The following PDE4B variants were observed in gnomAD, a reference collection of about 807,000 sequenced individuals.
PDE4B encodes 3',5'-cyclic-AMP phosphodiesterase 4B.
In PDE4B, 20 loss-of-function variants were observed where a neutral mutation model predicts 82.2. The ratio of observed to expected loss-of-function variants is 0.24; its 90% CI spans 0.17 to 0.35. The LOEUF (loss-of-function observed/expected upper bound fraction) is 0.35. Ranked by LOEUF, PDE4B falls within the 10% of genes least tolerant of loss-of-function variation. The pLI is 1.00. For synonymous variants in PDE4B, 320 were observed against 318.9 expected, an observed-to-expected ratio of 1.00 and a Z score of -0.04; for missense variants, 655 against 907.2, an observed-to-expected ratio of 0.72 and a Z score of 3.57.
At chr1:66,037,111 G>A (rs536703366) in intron 3 of PDE4B, among the ~76,000 whole-genome samples, 2 of 142,264 alleles carry the variant, frequency 1.4e-5, no homozygotes, top group African/African-American at 5.3e-5. Flanking sequence ...GGGTGACAGA[G>A]TGAGACTCTG....
chr1:66,183,385 A>G (rs1281160611), intron 3 of PDE4B, among the ~76,000 whole-genome samples: 1 of 152,222 alleles, frequency 6.6e-6, no homozygotes, highest in Non-Finnish European at 1.5e-5. Flanking sequence ...CTGAGCATTA[A>G]TGATAAAATA....
At chr1:66,193,847 T>C (rs2152810) in intron 3 of PDE4B, among the ~76,000 whole-genome samples, 75,944 of 151,874 alleles carry the variant, frequency 0.5, 19,780 homozygotes, top group South Asian at 0.64. Flanking sequence ...GAAATCATTA[T>C]AGTGATAGAG....
intron 1 of PDE4B, among the ~76,000 whole-genome samples, chr1:65,814,148 G>T (rs1265888612): frequency 6.6e-6 from 1 of 152,174 alleles, no homozygotes; most frequent in Non-Finnish European, 1.5e-5. Flanking sequence ...ACAGCACATT[G>T]CTTGCCAAAG....
chr1:66,147,557 G>C (rs1646301680), intron 3 of PDE4B, among the ~76,000 whole-genome samples: 3 of 152,202 alleles, frequency 2.0e-5, no homozygotes, highest in Admixed American at 6.5e-5. Flanking sequence ...TGCATTTTGA[G>C]TTGCTTTTTC....
chr1:65,928,374 C>A (rs1647637496), intron 3 of PDE4B, among the ~76,000 whole-genome samples: 1 of 152,170 alleles, frequency 6.6e-6, no homozygotes, highest in East Asian at 1.9e-4. Context: ...AATTTCACTT[C>A]TAGGAACACC....
At chr1:65,872,796 G>A (rs1457223067) in intron 1 of PDE4B, among the ~76,000 whole-genome samples, 1 of 152,098 alleles carries the variant, frequency 6.6e-6, no homozygotes. Flanking sequence ...GACATTGCAG[G>A]TAAAGAAAAT....
intron 3 of PDE4B, among the ~76,000 whole-genome samples, chr1:66,165,821 C>T (rs1023127666): frequency 6.6e-6 from 1 of 151,904 alleles, no homozygotes; most frequent in Non-Finnish European, 1.5e-5. Context: ...TCCCCAGATT[C>T]GTTTACAGAT....
At chr1:65,896,231 T>C (rs1646909438) in intron 1 of PDE4B, among the ~76,000 whole-genome samples, 1 of 152,102 alleles carries the variant, frequency 6.6e-6, no homozygotes, top group South Asian at 2.1e-4. Flanking sequence ...CTCACAATCA[T>C]GATGGAATGC....
At chr1:65,946,761 G>A (rs1648734137) in intron 3 of PDE4B, among the ~76,000 whole-genome samples, 1 of 151,984 alleles carries the variant, frequency 6.6e-6, no homozygotes. Context: ...ACCTTATGCA[G>A]ACCCATTTGT....
intron 3 of PDE4B, among the ~76,000 whole-genome samples, chr1:66,172,477 T>C (rs1646855900): frequency 6.6e-6 from 1 of 152,208 alleles, no homozygotes; most frequent in Admixed American, 6.5e-5. Flanking sequence ...AGTAATGGGA[T>C]TGCTGGATTG....
At chr1:66,025,668 G>T (rs1653393617) in intron 3 of PDE4B, among the ~76,000 whole-genome samples, 1 of 152,080 alleles carries the variant, frequency 6.6e-6, no homozygotes, top group Non-Finnish European at 1.5e-5. Flanking sequence ...TTCTGTGTAT[G>T]GTGTCACCAT....
chr1:66,209,242 A>G (rs571208379), intron 3 of PDE4B, among the ~76,000 whole-genome samples: 73 of 152,340 alleles, frequency 4.8e-4, no homozygotes, highest in African/African-American at 1.7e-3. Flanking sequence ...TGGCACCATT[A>G]ATCCATTCAG....
chr1:66,073,251 A>G (rs970444519), intron 3 of PDE4B, among the ~76,000 whole-genome samples: 2 of 152,102 alleles, frequency 1.3e-5, no homozygotes, highest in African/African-American at 4.8e-5. Flanking sequence ...CTTAAGAGCA[A>G]TCTGTGGGAT....
intron 7 of PDE4B, among the ~76,000 whole-genome samples, chr1:66,294,065 G>A (rs1243532440): frequency 6.6e-6 from 1 of 152,118 alleles, no homozygotes; most frequent in East Asian, 1.9e-4. Flanking sequence ...AATTAGCCAG[G>A]TGTGGTGGCA....
intron 3 of PDE4B, among the ~76,000 whole-genome samples, chr1:65,927,819 G>A (rs1647593135): frequency 6.6e-6 from 1 of 152,094 alleles, no homozygotes; most frequent in Non-Finnish European, 1.5e-5. Context: ...CACCCTACCA[G>A]TCAGGGAGCC....
chr1:65,794,666 G>A (rs1420917582), intron 1 of PDE4B, among the ~76,000 whole-genome samples: 1 of 152,056 alleles, frequency 6.6e-6, no homozygotes, highest in African/African-American at 2.4e-5. Flanking sequence ...ATACTTGTAG[G>A]ACTTGACTGT....
chr1:65,888,208 C>T (rs562241521), intron 1 of PDE4B, among the ~76,000 whole-genome samples: 257 of 152,162 alleles, frequency 1.7e-3, no homozygotes, highest in African/African-American at 5.3e-3. Flanking sequence ...AGAGAATGTT[C>T]TTTCTCCAAT....
chr1:65,933,524 C>T (rs566411988), intron 3 of PDE4B, among the ~76,000 whole-genome samples: 11 of 152,112 alleles, frequency 7.2e-5, no homozygotes, highest in African/African-American at 2.7e-4. Context: ...GAAACCCCAT[C>T]TCTACTAAAG....
At chr1:65,896,212 TG>T (rs1467212148) in intron 1 of PDE4B, among the ~76,000 whole-genome samples, 1 of 152,102 alleles carries the variant, frequency 6.6e-6, no homozygotes, top group Non-Finnish European at 1.5e-5. Context: ...TTCACATGGA[TG>T]GGGAGACCTC....
Sources: allele counts gnomAD v4.1 joint callset (sites outside exome capture counted in the v4.1 genomes callset), GRCh38; gene constraint gnomAD v4.1.1; transcripts MANE v1.5; gene names NCBI Gene and HGNC (gene_info 2026-07-23, HGNC 2026-07-21).